The following ACOT2 variants were observed in gnomAD, a reference collection of about 807,000 sequenced individuals.
ACOT2 encodes acyl-coenzyme A thioesterase 2, mitochondrial.
In ACOT2, 15 loss-of-function variants were observed where a neutral mutation model predicts 20.1. That is an observed-to-expected ratio of 0.75 (90% confidence interval 0.50 to 1.15). The LOEUF (loss-of-function observed/expected upper bound fraction) is 1.15. Among genes scored for constraint, ACOT2 ranks in the 50% most tolerant of loss-of-function variants. The pLI is 0.00. For synonymous variants in ACOT2, 252 were observed against 268.4 expected, an observed-to-expected ratio of 0.94 and a Z score of 0.60; for missense variants, 479 against 615.3, an observed-to-expected ratio of 0.78 and a Z score of 2.34.
chr14:73,573,458 T>A lies in ACOT2; in HGVS notation c.714T>A (p.Ser238Arg). 1 of 1,613,736 alleles carries A rather than the reference T, an allele frequency of 6.2e-7. No homozygotes were observed. The highest frequency in any genetic ancestry group is 1.1e-5 in the South Asian group (1 of 91,038). Reference protein sequence around the residue: ...TGGGLLEYRASLLAGKGFAVM... With the variant: ...TGGGLLEYRARLLAGKGFAVM... ...GTGGCCTGCTGGAGTATCGGGCTAG[T>A]CTGCTGGCTGGGAAGGGTTTTGCTG... Residue 238 changes from serine (S) to arginine (R), a missense_variant, in exon 2 of 3, where the codon AGT becomes AGA. Ser to Arg is a moderately radical substitution (Grantham distance 110). Transcript: ENST00000238651.
At chr14:73,570,792 C>T (rs1889718309) in intron 1 of ACOT2, among the ~76,000 whole-genome samples, 5 of 150,338 alleles carry the variant, frequency 3.3e-5, no homozygotes, top group Admixed American at 3.3e-4. Context: ...GTAGTCCCAA[C>T]TACTTAGGAG....
rs556836955 is a variant in ACOT2 at position 73,573,788 on chromosome 14, G to A, written c.846+198G>A. 2.0e-5 allele frequency among the ~76,000 whole-genome samples: 3 copies of A among 151,872 alleles called. No homozygotes were observed. In the East Asian group the frequency reaches 5.8e-4, roughly 29 times the overall value. On this transcript the variant is annotated intron_variant, in intron 2 of 2. Coordinates refer to ENST00000238651, the MANE Select transcript of ACOT2 (RefSeq NM_006821.6). Reference sequence around the variant, plus strand: ...TGTTGCCAGGCTGGAGTCCAGTGGTGCGATCTTGGCTCACTGCAACCTCCA... The same window carrying A: ...TGTTGCCAGGCTGGAGTCCAGTGGTACGATCTTGGCTCACTGCAACCTCCA...
chr14:73,574,917 C>G lies in ACOT2; in HGVS notation c.856C>G (p.Pro286Ala), dbSNP rs748300530. The change falls in exon 3 of 3, where the codon CCA becomes GCA. Residue 286 changes from proline (P) to alanine (A), a missense_variant. Pro to Ala is a conservative substitution (Grantham distance 27, BLOSUM62 -1). This residue lies in a region of ACOT2 where 400 missense variants were observed against 395.5 expected (regional missense o/e 1.01). Coordinates refer to ENST00000238651, the MANE Select transcript of ACOT2 (RefSeq NM_006821.6). ...YLLSHPEVKGPGVGLLGISKG... is the reference protein window; with the variant it reads ...YLLSHPEVKGAGVGLLGISKG... The stretch of plus-strand genomic sequence containing the variant: ...TTTGTCCCTTTCTCAGGTAAAAGGT[C>G]CAGGAGTTGGGCTGCTTGGAATTTC... The G allele has an allele frequency of 6.2e-7, 1 of 1,612,372 alleles. No individual in the cohort carries two copies. The highest frequency in any genetic ancestry group is 1.3e-5 in the African/African-American group (1 of 74,662).
chr14:73,570,444 CT>C (rs1889703561), intron 1 of ACOT2, among the ~76,000 whole-genome samples: 1 of 151,930 alleles, frequency 6.6e-6, no homozygotes. Context: ...TAGCGGGCGC[CT>C]GTAGTCCCAG....
intron 1 of ACOT2, chr14:73,571,212 T>TGGA (rs1889738430): frequency 6.6e-6 from 1 of 152,618 alleles, no homozygotes; most frequent in Non-Finnish European, 1.5e-5. Context: ...GCCGCGTCCC[T>TGGA]ATGCATGGCA....
chr14:73,572,866 G>A (rs1296968790), intron 1 of ACOT2, among the ~76,000 whole-genome samples: 13 of 149,828 alleles, frequency 8.7e-5, no homozygotes, highest in Admixed American at 8.0e-4. Context: ...GGCTGGTCTC[G>A]AACTCCTGAC....
rs1444165026 is a variant in ACOT2 at position 73,570,038 on chromosome 14, C to T, written c.643+155C>T. Among the ~76,000 whole-genome samples the T allele has an allele frequency of 2.6e-5, 4 of 151,716 alleles. No individual in the cohort carries two copies. The East Asian group carries it at 5.8e-4, about 22-fold the overall frequency. ...CGAATTCCTGGTCTCCAGCTATCTT[C>T]CCGCCTCTGCCTCCCTAAGAGCTGG... On this transcript the variant is annotated intron_variant, in intron 1 of 2. Coordinates refer to ENST00000238651, the MANE Select transcript of ACOT2 (RefSeq NM_006821.6).
Position 73,569,341 on chromosome 14 carries a change from A to G in ACOT2, c.101A>G (p.Tyr34Cys). 1.2e-6 allele frequency: 2 copies of G among 1,613,936 alleles called. No individual in the cohort carries two copies. Among genetic ancestry groups the G allele is most frequent in the East Asian group, 4.5e-5 (2 of 44,884 alleles). The change falls in exon 1 of 3, where the codon TAC (tyrosine) becomes TGC (cysteine). Residue 34 changes from tyrosine to cysteine, a missense_variant. Tyr to Cys is a radical substitution (Grantham distance 194, BLOSUM62 -2). Coordinates refer to ENST00000238651, the MANE Select transcript of ACOT2 (RefSeq NM_006821.6). ...GCTGTCCTTCGAGCGTCCCGGCTGT[A>G]CCAATGGAGCCTGAAGAGTTCGGCG... ...SPAVLRASRL[Y>C]QWSLKSSAQF... is the part of the protein sequence containing the mutation.
chr14:73,569,346 T>G lies in ACOT2; in HGVS notation c.106T>G (p.Trp36Gly), dbSNP rs762834282. The change falls in exon 1 of 3, where the codon TGG becomes GGG. Residue 36 changes from tryptophan (W) to glycine (G), a missense_variant. Trp to Gly is a radical substitution (Grantham distance 184, BLOSUM62 -2). Around this residue, in one of 4 missense-constraint regions of ACOT2, gnomAD observed 400 missense variants for 395.5 expected, o/e 1.01. Transcript: ENST00000238651. Reference sequence around the variant, plus strand: ...CCTTCGAGCGTCCCGGCTGTACCAATGGAGCCTGAAGAGTTCGGCGCAGTT... The same window carrying G: ...CCTTCGAGCGTCCCGGCTGTACCAAGGGAGCCTGAAGAGTTCGGCGCAGTT... ...AVLRASRLYQ[W>G]SLKSSAQFLG... is the part of the protein sequence containing the mutation. 3.7e-6 allele frequency: 6 copies of G among 1,613,860 alleles called. No individual in the cohort carries two copies. The African/African-American group carries it at 8.0e-5, about 22-fold the overall frequency.
upstream of ACOT2, among the ~76,000 whole-genome samples, chr14:73,568,558 T>C (rs1889645066): frequency 6.8e-6 from 1 of 147,406 alleles, no homozygotes; most frequent in South Asian, 2.1e-4. Context: ...AGTGAGACCC[T>C]GTCTCTCAAA....
Position 73,573,432 on chromosome 14 carries a change from G to A in ACOT2, c.688G>A (p.Gly230Ser), listed in dbSNP as rs151154986. 44,470 of 1,613,730 alleles carry A rather than the reference G, an allele frequency of 0.028. 1,255 individuals are homozygous for A. Among genetic ancestry groups the A allele is most frequent in the Non-Finnish European group, 0.032 (38,089 of 1,179,732 alleles). Residue 230 changes from glycine to serine, a missense_variant, in exon 2 of 3, where the codon GGT becomes AGT. Coordinates refer to ENST00000238651, the MANE Select transcript of ACOT2 (RefSeq NM_006821.6). ...GATTGTGGACATGTTCGGAACTGGA[G>A]GTGGCCTGCTGGAGTATCGGGCTAG... ...PGIVDMFGTG[G>S]GLLEYRASLL... is the part of the protein sequence containing the mutation.
upstream of ACOT2, among the ~76,000 whole-genome samples, chr14:73,568,372 C>T (rs1889641587): frequency 6.6e-6 from 1 of 151,734 alleles, no homozygotes; most frequent in Non-Finnish European, 1.5e-5. Context: ...AACACCACAC[C>T]TCTGGTGAAA....
chr14:73,570,724 G>A (rs1889715697), intron 1 of ACOT2, among the ~76,000 whole-genome samples: 1 of 151,920 alleles, frequency 6.6e-6, no homozygotes, highest in African/African-American at 2.4e-5. Flanking sequence ...GGCCAACATG[G>A]TGAAACCCCA....
At chr14:73,573,292 G>C in intron 1 of ACOT2, 96 bp from the exon 2 acceptor site, 1 of 1,560,764 alleles carries the variant, frequency 6.4e-7, no homozygotes, top group Non-Finnish European at 8.8e-7. Context: ...GAGTGGGATT[G>C]CTGGGTCACA....
rs1259019694 is a variant in ACOT2, at chr14:73,569,281, T to G, written c.41T>G (p.Val14Gly). Residue 14 changes from valine (V) to glycine (G), a missense_variant, in exon 1 of 3, where the codon GTT becomes GGT. Val to Gly is a moderately radical substitution (Grantham distance 109, BLOSUM62 -3). Coordinates refer to ENST00000238651, the MANE Select transcript of ACOT2 (RefSeq NM_006821.6). ...KLLSPHPHSV[V>G]LRSEFKMASS... is the part of the protein sequence containing the mutation. ...CTTTCTCCCCACCCCCATTCAGTTG[T>G]TCTCAGGTCTGAATTCAAAATGGCC... 6.2e-7 allele frequency: 1 copy of G among 1,613,924 alleles called. No homozygotes were observed. Among genetic ancestry groups the G allele is most frequent in the East Asian group, 2.2e-5 (1 of 44,894 alleles).
intron 1 of ACOT2, chr14:73,571,704 G>C (rs1284291154): frequency 2.0e-5 from 3 of 151,884 alleles, no homozygotes; most frequent in African/African-American, 7.3e-5. Context: ...CATCGCTGCC[G>C]GGGCACTGGG....
Position 73,575,237 on chromosome 14 carries a change from GAGT to G in ACOT2, c.1177_1179del (p.Ser393del). On this transcript the variant is annotated inframe_deletion, in exon 3 of 3. Coordinates refer to ENST00000238651, the MANE Select transcript of ACOT2 (RefSeq NM_006821.6). ...TAGGTCAGGATGACCACAACTGGAA[GAGT>G]GAGTTCTATGCTAATGAGGCCTGTA... The G allele has an allele frequency of 1.1e-6, 1 of 905,444 alleles. No individual in the cohort carries two copies. The highest frequency in any genetic ancestry group is 1.6e-6 in the Non-Finnish European group (1 of 627,876). 56.1% of individuals were successfully genotyped at this position (905,444 alleles called of 1,614,324 possible). A position where few individuals can be genotyped will look rare whatever the true frequency, so the allele number is the denominator to read the frequency against.
chr14:73,571,881 T>C (rs1272002832), intron 1 of ACOT2, among the ~76,000 whole-genome samples: 3 of 152,066 alleles, frequency 2.0e-5, no homozygotes, highest in Non-Finnish European at 2.9e-5. Flanking sequence ...ACTGGATACT[T>C]TTATATTACA....
Position 73,570,643 on chromosome 14 carries a change from G to A in ACOT2, c.643+760G>A, listed in dbSNP as rs533969041. Among the ~76,000 whole-genome samples, 100 of 152,056 alleles carry A rather than the reference G, an allele frequency of 6.6e-4. 1 individual carries two copies. Among genetic ancestry groups the A allele is most frequent in the African/African-American group, 2.2e-3 (92 of 41,514 alleles). On this transcript the variant is annotated intron_variant, in intron 1 of 2. Coordinates refer to ENST00000238651, the MANE Select transcript of ACOT2 (RefSeq NM_006821.6). ...AAACAGGCCGGGCGCGGTGGCTAAC[G>A]CCTGTAATCCTAGCGCTTTGGGAGG... is the stretch of plus-strand genomic sequence containing the variant.
Sources: allele counts gnomAD v4.1 joint callset (sites outside exome capture counted in the v4.1 genomes callset), GRCh38; gene constraint gnomAD v4.1.1; regional missense constraint gnomAD v4.1.1; transcripts MANE v1.5; gene names NCBI Gene and HGNC (gene_info 2026-07-23, HGNC 2026-07-21).